The following PWWP3A variants were observed in gnomAD, a reference collection of about 807,000 sequenced individuals.
The protein encoded by PWWP3A is PWWP domain containing 3A, DNA repair factor, also known as PWWP domain-containing DNA repair factor 3A.
In PWWP3A, 53 loss-of-function variants were observed where a neutral mutation model predicts 79.0. The observed-to-expected ratio is 0.67, with a 90% CI of 0.54 to 0.84. PWWP3A has a LOEUF of 0.84. Ranked by LOEUF, PWWP3A falls within the 40% of genes least tolerant of loss-of-function variation. PWWP3A has a pLI of 0.00. For synonymous variants in PWWP3A, 443 were observed against 394.4 expected, an observed-to-expected ratio of 1.12 and a Z score of -1.46; for missense variants, 973 against 948.0, an observed-to-expected ratio of 1.03 and a Z score of -0.35.
At position 1,362,330 on chromosome 19, in the gene PWWP3A, C is replaced by T. The variant is rs2082035729; in HGVS notation, c.1192C>T (p.Pro398Ser). The change falls in exon 6 of 14, where the codon CCA becomes TCA. Residue 398 changes from proline (P) to serine (S), a missense_variant. Physicochemically the swap from Pro to Ser is moderately conservative, Grantham distance 74. Coordinates refer to ENST00000591337, the MANE Select transcript of PWWP3A (RefSeq NM_001369789.1). ...LEEDEEDEEP[P>S]RVLLYHEPRS... ...GGAAGACGAGGAAGACGAGGAGCCACCAAGAGTCCTTTTATACCACGGTAA... is the reference window on the plus strand; with the variant it reads ...GGAAGACGAGGAAGACGAGGAGCCATCAAGAGTCCTTTTATACCACGGTAA... 1.9e-6 allele frequency: 3 copies of T among 1,613,964 alleles called. No individual in the cohort carries two copies. Among genetic ancestry groups the T allele is most frequent in the African/African-American group, 2.7e-5 (2 of 74,918 alleles).
rs1373842245 is a variant in PWWP3A at position 1,357,670 on chromosome 19, G to GCCCC, written c.143+577_143+580dup. 3.3e-5 allele frequency: 5 copies of GCCCC among 150,948 alleles called. No individual in the cohort carries two copies. The Admixed American group carries it at 3.3e-4, about 10-fold the overall frequency. The allele number at this position is 150,948 out of a possible 1,614,324, so 9.4% of individuals were successfully genotyped here. On this transcript the variant is annotated intron_variant, in intron 3 of 13. Transcript: ENST00000591337. The stretch of plus-strand genomic sequence containing the variant: ...TGTCTAGAATGACAGCAATTCCGAC[G>GCCCC]CCCCAGTCAGTCCTGCGTGATTGTG...
chr19:1,371,481 G>T (rs1177867446), intron 12 of PWWP3A: 2 of 684,808 alleles, frequency 2.9e-6, no homozygotes, highest in Non-Finnish European at 5.4e-6. Flanking sequence ...TTGAAAAACT[G>T]TAAGTGGATA....
At position 1,360,372 on chromosome 19, in the gene PWWP3A, A is replaced by G; in HGVS notation, c.451A>G (p.Arg151Gly). 6.2e-7 allele frequency: 1 copy of G among 1,614,108 alleles called. No individual in the cohort carries two copies. The highest frequency in any genetic ancestry group is 8.5e-7 in the Non-Finnish European group (1 of 1,180,024). ...CGTGTTGGGCAGTTCCAGACCTCAC[A>G]GGAGGAGGCCATGTGTGCAACAAAG... ...GDVLGSSRPH[R>G]RRPCVQQSLS... The change falls in exon 5 of 14, where the codon AGG becomes GGG. Residue 151 changes from arginine (R) to glycine (G), a missense_variant. Coordinates refer to ENST00000591337, the MANE Select transcript of PWWP3A (RefSeq NM_001369789.1). This position sits in a 1 kb window ranked among gnomAD's most constrained non-coding sequence, Gnocchi z 4.4.
chr19:1,360,893 A>G lies in PWWP3A; in HGVS notation c.972A>G (p.Ala324=). The G allele has an allele frequency of 5.2e-6, 8 of 1,543,646 alleles. No homozygotes were observed. Among genetic ancestry groups the G allele is most frequent in the South Asian group, 1.2e-5 (1 of 83,562 alleles). ...TGGAGCCCATGGCAGCAGGGGCCGC[A>G]CCATCCCCCGGGCCGGGGCCAGGGC... ...VQLEPMAAGA[A]PSPGPGPGPR... is the part of the protein sequence containing the mutation. Residue 324 remains alanine (A), a synonymous_variant, in exon 5 of 14, where the codon GCA becomes GCG. Transcript: ENST00000591337. The surrounding 1 kb of genome is among the most constrained non-coding windows in gnomAD (Gnocchi z 4.4).
chr19:1,360,566 TA>T lies in PWWP3A; in HGVS notation c.647del (p.Lys216ArgfsTer14). 6.2e-7 allele frequency: 1 copy of T among 1,614,086 alleles called. No individual in the cohort carries two copies. The highest frequency in any genetic ancestry group is 8.5e-7 in the Non-Finnish European group (1 of 1,180,006). Reference protein sequence around the residue: ...IHHKNWTLASKRGGNSAQKAS... With the variant: ...IHHKNWTLASXRGGNSAQKAS... ...ACCACAAAAATTGGACTCTTGCAAG[TA>T]AGAGGGGAGGAAACTCAGCGCAGAA... On this transcript the variant is annotated frameshift_variant, in exon 5 of 14. Coordinates refer to ENST00000591337, the MANE Select transcript of PWWP3A (RefSeq NM_001369789.1). LOFTEE classifies it high-confidence loss of function. This position sits in a 1 kb window ranked among gnomAD's most constrained non-coding sequence, Gnocchi z 4.4.
At chr19:1,367,368 C>G in intron 9 of PWWP3A, 148 bp downstream of exon 9, 1 of 683,082 alleles carries the variant, frequency 1.5e-6, no homozygotes. Context: ...GCGCTCTGGC[C>G]GTTAGAGTTA....
At chr19:1,358,807 A>T in intron 4 of PWWP3A, 3 of 642,622 alleles carry the variant, frequency 4.7e-6, no homozygotes, top group South Asian at 1.5e-5. Flanking sequence ...TCCTCTTCCT[A>T]TAGTAAGATT....
chr19:1,376,289 C>G (rs2082391302), intron 13 of PWWP3A, among the ~76,000 whole-genome samples: 1 of 81,190 alleles, frequency 1.2e-5, no homozygotes, highest in Non-Finnish European at 2.4e-5. Flanking sequence ...CCACGCCCGG[C>G]TGTTTGTTTT....
At chr19:1,366,513 G>A (rs1187906649) in intron 8 of PWWP3A, 132 bp downstream of exon 8, 2 of 779,696 alleles carry the variant, frequency 2.6e-6, no homozygotes, top group South Asian at 1.5e-5. Flanking sequence ...GGCAGGGCTA[G>A]TGAGGTCTCA....
In PWWP3A at chr19:1,355,004, CGG is replaced by C. The variant is rs2081806045; in HGVS notation, c.-200_-199del. ...CGGGGAGCGGCGGCGGCGGCGGCGG[CGG>C]CGGTGGCGGAGGCGGTGAGCGCGGG... On this transcript the variant is annotated 5_prime_UTR_variant, in exon 1 of 14. Coordinates refer to ENST00000591337, the MANE Select transcript of PWWP3A (RefSeq NM_001369789.1). 1 of 149,470 alleles carries C rather than the reference CGG, an allele frequency of 6.7e-6. No homozygotes were observed. Among genetic ancestry groups the C allele is most frequent in the Non-Finnish European group, 1.5e-5 (1 of 67,698 alleles). The allele number at this position is 149,470 out of a possible 1,614,324, so 9.3% of individuals were successfully genotyped here.
At position 1,357,056 on chromosome 19, in the gene PWWP3A, A is replaced by G. The variant is rs759633532; in HGVS notation, c.105A>G (p.Glu35=). ...ATSTKNKRRK[E]YFLAVQILSL... is the part of the protein sequence containing the mutation. ...CAACAAAAAATAAGAGAAGAAAGGA[A>G]TATTTTCTAGCTGTGCAAATCCTCT... The change falls in exon 3 of 14, where the codon GAA becomes GAG. Residue 35 remains glutamate (E), a synonymous_variant. Transcript: ENST00000591337. The G allele has an allele frequency of 6.2e-7, 1 of 1,613,482 alleles. No homozygotes were observed. Among genetic ancestry groups the G allele is most frequent in the Non-Finnish European group, 8.5e-7 (1 of 1,179,844 alleles).
intron 5 of PWWP3A, among the ~76,000 whole-genome samples, chr19:1,361,604 A>G (rs956649332): frequency 6.6e-6 from 1 of 152,234 alleles, no homozygotes; most frequent in African/African-American, 2.4e-5. Context: ...CTGGAAATCT[A>G]CTTGCTACAA....
At position 1,368,267 on chromosome 19, in the gene PWWP3A, GAGA is replaced by G. The variant is rs1296458502; in HGVS notation, c.1423-994_1423-992del. Reference sequence around the variant, plus strand: ...AAAATGGATGAAGGTGTGGGGTGAGGAGAAGAGCAGGAAGTTCCGTGCCTTAAA... The same window carrying G: ...AAAATGGATGAAGGTGTGGGGTGAGGAGAGCAGGAAGTTCCGTGCCTTAAA... On this transcript the variant is annotated intron_variant, in intron 9 of 13. Coordinates refer to ENST00000591337, the MANE Select transcript of PWWP3A (RefSeq NM_001369789.1). This position sits in a 1 kb window ranked among gnomAD's most constrained non-coding sequence, Gnocchi z 4.7. 1.3e-5 allele frequency among the ~76,000 whole-genome samples: 2 copies of G among 152,166 alleles called. No homozygotes were observed. Among genetic ancestry groups the G allele is most frequent in the Non-Finnish European group, 2.9e-5 (2 of 68,040 alleles).
At chr19:1,359,861 C>T (rs1160130272) in intron 4 of PWWP3A, 1 of 305,794 alleles carries the variant, frequency 3.3e-6, no homozygotes, top group Non-Finnish European at 5.9e-6. Context: ...TGTTTTGTAA[C>T]TTGGAGGAAT....
Position 1,360,119 on chromosome 19 carries a change from A to G in PWWP3A, c.215-17A>G, listed in dbSNP as rs2081976274. 3 of 1,532,854 alleles carry G rather than the reference A, an allele frequency of 2.0e-6. No homozygotes were observed. The highest frequency in any genetic ancestry group is 2.1e-5 in the Admixed American group (1 of 47,208). The allele number at this position is 1,532,854 out of a possible 1,614,324, so 95.0% of individuals were successfully genotyped here. On this transcript the variant is annotated splice_polypyrimidine_tract_variant and intron_variant, in intron 4 of 13. Transcript: ENST00000591337. This position sits in a 1 kb window ranked among gnomAD's most constrained non-coding sequence, Gnocchi z 4.4. ...GCAGTGAACGTAACCGGCATTGTGT[A>G]TGTTCGGTCCTTGCAGCCTCACAGA...
At chr19:1,376,479 A>G in intron 13 of PWWP3A, 40 bp from the exon 14 acceptor site, 3 of 1,601,766 alleles carry the variant, frequency 1.9e-6, no homozygotes, top group African/African-American at 1.3e-5. Flanking sequence ...TTTAACACAC[A>G]ATGATTAATT....
chr19:1,376,609 G>C lies in PWWP3A; in HGVS notation c.*33G>C, dbSNP rs752702362. ...GCCGGCTGTGCTGTCAGCGGGGCCT[G>C]GCGGTGGAAGCGCCTCCAGTGTGCA... On this transcript the variant is annotated 3_prime_UTR_variant, in exon 14 of 14. Transcript: ENST00000591337. The C allele has an allele frequency of 6.2e-7, 1 of 1,611,736 alleles. No homozygotes were observed. Among genetic ancestry groups the C allele is most frequent in the Non-Finnish European group, 8.5e-7 (1 of 1,178,866 alleles).
At chr19:1,362,445 A>T (rs921666811) in intron 6 of PWWP3A, 94 bp downstream of exon 6, 1 of 928,796 alleles carries the variant, frequency 1.1e-6, no homozygotes, top group African/African-American at 1.7e-5. Flanking sequence ...TTCTCCATGA[A>T]AGGTCTCCTG....
intron 1 of PWWP3A, 66 bp downstream of exon 1, chr19:1,355,201 G>A (rs1418832993): frequency 6.6e-6 from 1 of 152,024 alleles, no homozygotes; most frequent in South Asian, 2.0e-4. Context: ...GCCGGGCCTG[G>A]GGGGAGGGGG....
Sources: allele counts gnomAD v4.1 joint callset (sites outside exome capture counted in the v4.1 genomes callset), GRCh38; gene constraint gnomAD v4.1.1; non-coding constraint Gnocchi (gnomAD v3.1); transcripts MANE v1.5; gene names NCBI Gene and HGNC (gene_info 2026-07-23, HGNC 2026-07-21).